The following TCF7L2 variants were observed in gnomAD, a reference collection of about 807,000 sequenced individuals.
TCF7L2 encodes transcription factor 7 like 2.
In TCF7L2, 23 loss-of-function variants were observed where a neutral mutation model predicts 77.9. The ratio of observed to expected loss-of-function variants is 0.30; its 90% CI spans 0.21 to 0.42. The LOEUF is 0.42. Ranked by LOEUF, TCF7L2 falls within the 10% of genes least tolerant of loss-of-function variation. The probability of loss-of-function intolerance (pLI) is 1.00; values close to 1 mark genes in which losing one functional copy is unlikely to be tolerated. For missense variants in TCF7L2, 654 were observed against 793.1 expected, an observed-to-expected ratio of 0.82 and a Z score of 2.11; for synonymous variants, 413 against 340.2, an observed-to-expected ratio of 1.21 and a Z score of -2.36.
intron 5 of TCF7L2, among the ~76,000 whole-genome samples, chr10:113,137,892 G>A (rs558589115): frequency 7.2e-5 from 11 of 152,292 alleles, no homozygotes; most frequent in East Asian, 1.9e-4. Context: ...CAAGAAGGGT[G>A]CACACACACC....
intron 5 of TCF7L2, among the ~76,000 whole-genome samples, chr10:113,070,265 AAATT>A (rs1409587546): frequency 2.5e-5 from 2 of 78,612 alleles, no homozygotes; most frequent in African/African-American, 1.2e-4. Context: ...AAAAAAAAAA[AAATT>A]TATATATATA....
At chr10:113,009,854 G>C (rs1274757739) in intron 4 of TCF7L2, among the ~76,000 whole-genome samples, 1 of 152,158 alleles carries the variant, frequency 6.6e-6, no homozygotes, top group African/African-American at 2.4e-5. Flanking sequence ...AGAGATGAAA[G>C]GTTTTCTCCA....
chr10:113,123,506 A>G (rs760792850), intron 5 of TCF7L2, among the ~76,000 whole-genome samples: 4 of 152,256 alleles, frequency 2.6e-5, no homozygotes, highest in Non-Finnish European at 5.9e-5. Flanking sequence ...ACGTCTGCAC[A>G]TGCCTTTCTA....
chr10:112,976,994 A>G (rs925577078), intron 4 of TCF7L2, among the ~76,000 whole-genome samples: 4 of 147,834 alleles, frequency 2.7e-5, no homozygotes, highest in African/African-American at 9.9e-5. Flanking sequence ...TTTTTTTTAA[A>G]TGTCAGGCAG....
In TCF7L2 at chr10:112,976,393, G is replaced by C. The variant is rs114849153; in HGVS notation, c.450+11769G>C. On this transcript the variant is annotated intron_variant, in intron 4 of 13. Coordinates refer to ENST00000627217, the MANE Select transcript of TCF7L2 (RefSeq NM_001146274.2). ...AGATTTATGACTCCTATTCCTGTTG[G>C]TTGCTGTTTGCATTTCTCTTATGTC... Among the ~76,000 whole-genome samples, 553 of 152,238 alleles carry C rather than the reference G, an allele frequency of 3.6e-3. 2 individuals carry two copies. Among genetic ancestry groups the C allele is most frequent in the African/African-American group, 0.013 (532 of 41,526 alleles).
chr10:113,062,357 C>T (rs2056598477), intron 5 of TCF7L2, among the ~76,000 whole-genome samples: 1 of 152,124 alleles, frequency 6.6e-6, no homozygotes, highest in African/African-American at 2.4e-5. Context: ...CTCTTGCTTC[C>T]CAAGTGCTCA....
chr10:113,079,767 C>T (rs544075098), intron 5 of TCF7L2, among the ~76,000 whole-genome samples: 2 of 152,064 alleles, frequency 1.3e-5, no homozygotes, highest in Non-Finnish European at 1.5e-5. Context: ...AAGCGATTTT[C>T]GTGCCTCAGT....
intron 5 of TCF7L2, chr10:113,089,288 C>T (rs1387431313): frequency 8.2e-7 from 1 of 1,214,480 alleles, no homozygotes; most frequent in Non-Finnish European, 1.1e-6. Context: ...CATGGAGCTT[C>T]TATAGAAATG....
At chr10:113,008,895 G>A (rs1010573473) in intron 4 of TCF7L2, among the ~76,000 whole-genome samples, 3 of 152,054 alleles carry the variant, frequency 2.0e-5, no homozygotes, top group Non-Finnish European at 2.9e-5. Context: ...TCAAAATTCT[G>A]CTCATGGAAT....
chr10:113,140,997 G>A (rs1306887844), intron 5 of TCF7L2, among the ~76,000 whole-genome samples, 187 bp from the exon 6 acceptor site: 1 of 152,182 alleles, frequency 6.6e-6, no homozygotes, highest in African/African-American at 2.4e-5. Flanking sequence ...CCCACCCAGA[G>A]AGCTGTCTTA....
chr10:112,988,081 G>A (rs988356769), intron 4 of TCF7L2, among the ~76,000 whole-genome samples: 1 of 148,188 alleles, frequency 6.7e-6, no homozygotes, highest in East Asian at 2.0e-4. Flanking sequence ...TCAGAGGAGG[G>A]TGTTTGGGAC....
chr10:113,066,168 G>T (rs527353292), intron 5 of TCF7L2, among the ~76,000 whole-genome samples: 1 of 152,166 alleles, frequency 6.6e-6, no homozygotes, highest in East Asian at 1.9e-4. Context: ...TACGAGACCA[G>T]CCTGGCTAAC....
At chr10:113,010,464 C>T (rs1326292737) in intron 4 of TCF7L2, among the ~76,000 whole-genome samples, 1 of 152,144 alleles carries the variant, frequency 6.6e-6, no homozygotes, top group Non-Finnish European at 1.5e-5. Flanking sequence ...AGCTCTGAGT[C>T]CTATGCGTTC....
chr10:113,082,286 A>T (rs567948246), intron 5 of TCF7L2, among the ~76,000 whole-genome samples: 7 of 152,246 alleles, frequency 4.6e-5, no homozygotes, highest in African/African-American at 1.4e-4. Flanking sequence ...TGTCTCCTTT[A>T]TTCAGAATTA....
intron 4 of TCF7L2, among the ~76,000 whole-genome samples, chr10:113,029,835 T>C (rs1315818299): frequency 6.6e-6 from 1 of 152,012 alleles, no homozygotes; most frequent in Non-Finnish European, 1.5e-5. Flanking sequence ...AGCCTCCCCA[T>C]CCCCTTTTAT....
chr10:113,048,483 G>A (rs1241980164), intron 5 of TCF7L2, among the ~76,000 whole-genome samples: 3 of 152,154 alleles, frequency 2.0e-5, no homozygotes, highest in South Asian at 2.1e-4. Flanking sequence ...AGTTGATTTC[G>A]TTTGGAATGA....
At chr10:113,040,222 C>T in intron 5 of TCF7L2, 96 bp downstream of exon 5, 1 of 1,080,102 alleles carries the variant, frequency 9.3e-7, no homozygotes, top group East Asian at 2.5e-5. Flanking sequence ...TCATTTTTTT[C>T]TTTCTTTAAA....
intron 13 of TCF7L2, among the ~76,000 whole-genome samples, chr10:113,162,247 A>G (rs186251712): frequency 5.9e-5 from 9 of 152,306 alleles, no homozygotes; most frequent in Non-Finnish European, 8.8e-5. Flanking sequence ...GTAGAAATGT[A>G]CAACTGACAC....
intron 4 of TCF7L2, among the ~76,000 whole-genome samples, chr10:112,988,729 T>C (rs1428871594): frequency 6.6e-6 from 1 of 152,224 alleles, no homozygotes; most frequent in South Asian, 2.1e-4. Context: ...GGTCCTCTTG[T>C]GGTTCTATCT....
Sources: gnomAD v4.1 joint callset for allele counts (sites outside exome capture counted in the v4.1 genomes callset) on GRCh38, gnomAD v4.1.1 for gene constraint, MANE v1.5 for transcripts, NCBI Gene and HGNC (gene_info 2026-07-23, HGNC 2026-07-21) for gene names.